Variants in NRG1 observed in about 807,000 individuals in gnomAD.
The protein encoded by NRG1 is neuregulin 1, also known as pro-neuregulin-1, membrane-bound isoform.
Under a neutral mutation model 63.8 loss-of-function variants are expected in NRG1, and 18 were observed. The observed-to-expected ratio is 0.28, with a 90% CI of 0.19 to 0.42. NRG1 has a LOEUF of 0.42. Among genes scored for constraint, NRG1 ranks in the 10% least tolerant of loss-of-function variants. The probability of loss-of-function intolerance (pLI) is 1.00; values close to 1 mark genes in which losing one functional copy is unlikely to be tolerated. For missense variants in NRG1, 762 were observed against 814.7 expected, an observed-to-expected ratio of 0.94 and a Z score of 0.79; for synonymous variants, 302 against 301.3, an observed-to-expected ratio of 1.00 and a Z score of -0.02.
At chr8:31,764,072 G>A (rs909426258) in intron 1 of NRG1, among the ~76,000 whole-genome samples, 15 of 151,774 alleles carry the variant, frequency 9.9e-5, no homozygotes, top group South Asian at 4.2e-4. Flanking sequence ...GATGGAGATA[G>A]GATGAATAAA....
chr8:32,764,517 A>C (rs780455670), exon 12 of NRG1: 92 of 993,544 alleles, frequency 9.3e-5, no homozygotes, highest in Non-Finnish European at 1.2e-4. Flanking sequence ...GAAAACAGGA[A>C]AAAAACTTTT....
intron 1 of NRG1, among the ~76,000 whole-genome samples, chr8:32,388,605 A>G (rs1356905699): frequency 6.6e-6 from 1 of 151,928 alleles, no homozygotes. Context: ...GACCATACAC[A>G]TTGTTTTTGA....
intron 1 of NRG1, among the ~76,000 whole-genome samples, chr8:32,288,004 G>A (rs1358894334): frequency 6.6e-6 from 1 of 152,070 alleles, no homozygotes; most frequent in African/African-American, 2.4e-5. Context: ...ACATATTCGT[G>A]GTACATATTT....
chr8:32,522,717 A>T (rs1214398421), intron 1 of NRG1, among the ~76,000 whole-genome samples: 3 of 151,986 alleles, frequency 2.0e-5, no homozygotes, highest in African/African-American at 7.3e-5. Flanking sequence ...AATGTCTTTA[A>T]CATCCTTAGG....
chr8:31,755,784 C>G (rs1816910202), intron 1 of NRG1, among the ~76,000 whole-genome samples: 1 of 152,104 alleles, frequency 6.6e-6, no homozygotes, highest in South Asian at 2.1e-4. Flanking sequence ...AGAATTCCTA[C>G]TCTGCATTCT....
At chr8:31,943,613 G>A (rs563905838) in intron 1 of NRG1, among the ~76,000 whole-genome samples, 1 of 152,234 alleles carries the variant, frequency 6.6e-6, no homozygotes, top group Non-Finnish European at 1.5e-5. Flanking sequence ...TAAACTTAGT[G>A]AGTGAAACAG....
chr8:32,710,878 CAG>C (rs1376378216), intron 5 of NRG1, among the ~76,000 whole-genome samples: 1 of 152,130 alleles, frequency 6.6e-6, no homozygotes, highest in African/African-American at 2.4e-5. Flanking sequence ...ATAATATAGA[CAG>C]AGCGTTTTCC....
chr8:32,024,086 T>C (rs1223035941), intron 1 of NRG1, among the ~76,000 whole-genome samples: 1 of 152,222 alleles, frequency 6.6e-6, no homozygotes, highest in Non-Finnish European at 1.5e-5. Flanking sequence ...CTGGGCTTCA[T>C]TGCCCTGCCT....
In NRG1 at chr8:32,220,635, A is replaced by G. The variant is rs112119143; in HGVS notation, c.38-375193A>G. On this transcript the variant is annotated intron_variant, in intron 1 of 10. Coordinates refer to the NRG1 transcript ENST00000519301. Reference sequence around the variant, plus strand: ...GAACTAGTCGGACCTAAGGGAGCAGATATTTTCCAAAAATATCCTTCCCAC... The same window carrying G: ...GAACTAGTCGGACCTAAGGGAGCAGGTATTTTCCAAAAATATCCTTCCCAC... 5.3e-5 allele frequency among the ~76,000 whole-genome samples: 8 copies of G among 152,292 alleles called. No individual in the cohort carries two copies. In the East Asian group the frequency reaches 1.5e-3, roughly 29 times the overall value.
At chr8:32,085,684 T>G (rs1828108480) in intron 1 of NRG1, among the ~76,000 whole-genome samples, 1 of 152,224 alleles carries the variant, frequency 6.6e-6, no homozygotes, top group African/African-American at 2.4e-5. Flanking sequence ...TCTCCAATAG[T>G]TAAATATGCC....
chr8:32,344,692 T>C (rs571787337), intron 1 of NRG1, among the ~76,000 whole-genome samples: 1 of 149,004 alleles, frequency 6.7e-6, no homozygotes, highest in Non-Finnish European at 1.5e-5. Flanking sequence ...TGGGCTGAAG[T>C]GATCCTCCTG....
intron 1 of NRG1, among the ~76,000 whole-genome samples, chr8:32,415,925 G>T (rs1276280665): frequency 6.6e-6 from 1 of 152,174 alleles, no homozygotes; most frequent in Non-Finnish European, 1.5e-5. Flanking sequence ...TGTGCAGATT[G>T]CTGTATACTC....
intron 1 of NRG1, among the ~76,000 whole-genome samples, chr8:32,368,774 C>G (rs529386389): frequency 6.6e-6 from 1 of 152,072 alleles, no homozygotes; most frequent in South Asian, 2.1e-4. Context: ...TTTCATTTAC[C>G]CTCTGCCACC....
At chr8:31,909,492 T>A (rs918576937) in intron 1 of NRG1, among the ~76,000 whole-genome samples, 33 of 152,198 alleles carry the variant, frequency 2.2e-4, no homozygotes, top group African/African-American at 8.0e-4. Context: ...GAAAATAAGA[T>A]GACTTTCAGT....
rs80054251 is a variant in NRG1, at chr8:32,022,683, C to T, written c.37+383252C>T. 2.5e-3 allele frequency among the ~76,000 whole-genome samples: 381 copies of T among 152,144 alleles called. 4 individuals are homozygous for T. The highest frequency in any genetic ancestry group is 8.8e-3 in the African/African-American group (367 of 41,510). ...TATATGACGTATACAATCAACTGGA[C>T]CTGTTTAATGTTAGTCCTTAGATAA... On this transcript the variant is annotated intron_variant, in intron 1 of 10. Coordinates refer to the NRG1 transcript ENST00000519301.
chr8:32,732,527 A>G (rs961435676), intron 6 of NRG1, among the ~76,000 whole-genome samples: 2 of 152,162 alleles, frequency 1.3e-5, no homozygotes, highest in African/African-American at 2.4e-5. Context: ...GTTTTAAACT[A>G]CCAATTTTGG....
At chr8:31,921,926 A>ATT (rs1833956226) in intron 1 of NRG1, among the ~76,000 whole-genome samples, 2 of 151,666 alleles carry the variant, frequency 1.3e-5, no homozygotes, top group Admixed American at 1.3e-4. Flanking sequence ...AATTTAAAAA[A>ATT]TTTTTTTAAT....
chr8:32,042,346 G>T (rs374802030), intron 1 of NRG1, among the ~76,000 whole-genome samples: 48 of 152,130 alleles, frequency 3.2e-4, no homozygotes, highest in African/African-American at 1.0e-3. Context: ...ACAGCTACTT[G>T]GGAGGCTTAG....
chr8:32,204,500 T>C (rs1843815646), intron 1 of NRG1, among the ~76,000 whole-genome samples: 1 of 152,220 alleles, frequency 6.6e-6, no homozygotes, highest in Non-Finnish European at 1.5e-5. Flanking sequence ...TTTTCAGTCC[T>C]AATTGCCACA....
Sources: gnomAD v4.1 joint callset for allele counts (sites outside exome capture counted in the v4.1 genomes callset) on GRCh38, gnomAD v4.1.1 for gene constraint, MANE v1.5 for transcripts, NCBI Gene and HGNC (gene_info 2026-07-23, HGNC 2026-07-21) for gene names.